The following AIDA variants were observed in gnomAD, a reference collection of about 807,000 sequenced individuals.
AIDA encodes axin interactor, dorsalization associated.
AIDA carries 18 observed loss-of-function variants against 42.7 expected under a neutral mutation model. That is an observed-to-expected ratio of 0.42 (90% CI 0.29 to 0.63). The LOEUF (loss-of-function observed/expected upper bound fraction) is 0.63. Ranked by LOEUF, AIDA falls within the 20% of genes least tolerant of loss-of-function variation. The probability of loss-of-function intolerance (pLI) is 0.19; values close to 1 mark genes in which losing one functional copy is unlikely to be tolerated. For synonymous variants in AIDA, 104 were observed against 122.9 expected (o/e 0.85, Z 1.02); for missense variants, 250 against 354.1 (o/e 0.71, Z 2.36).
chr1:222,690,988 A>G (rs1220443326), intron 4 of AIDA, among the ~76,000 whole-genome samples: 1 of 152,224 alleles, frequency 6.6e-6, no homozygotes, highest in Admixed American at 6.5e-5. Flanking sequence ...AGAAAAAGCA[A>G]TAAGCCAACA....
chr1:222,689,973 A>G (rs1655329350), intron 4 of AIDA, among the ~76,000 whole-genome samples: 1 of 152,046 alleles, frequency 6.6e-6, no homozygotes, highest in Non-Finnish European at 1.5e-5. Context: ...TCCTTTTTCT[A>G]CTATGTTCAG....
chr1:222,709,669 G>T (rs73124889), intron 1 of AIDA, among the ~76,000 whole-genome samples: 4 of 151,938 alleles, frequency 2.6e-5, no homozygotes, highest in African/African-American at 9.7e-5. Flanking sequence ...ATAATGGGGG[G>T]AAAAGTGCCC....
At chr1:222,702,733 G>C (rs1282466978) in intron 2 of AIDA, among the ~76,000 whole-genome samples, 2 of 152,214 alleles carry the variant, frequency 1.3e-5, no homozygotes, top group African/African-American at 4.8e-5. Flanking sequence ...CAGGAGTTAG[G>C]AAAGTTCAGA....
chr1:222,690,548 A>G (rs1178396168), intron 4 of AIDA, among the ~76,000 whole-genome samples: 2 of 152,200 alleles, frequency 1.3e-5, no homozygotes, highest in Non-Finnish European at 2.9e-5. Flanking sequence ...GGAGTCCTGC[A>G]GTTTAGAGCT....
intron 2 of AIDA, among the ~76,000 whole-genome samples, chr1:222,698,033 A>T (rs1194691680): frequency 1.3e-5 from 2 of 152,210 alleles, no homozygotes; most frequent in African/African-American, 4.8e-5. Context: ...AAAATCTACT[A>T]CACCAAAGTC....
chr1:222,711,983 T>C, intron 1 of AIDA: 1 of 586,476 alleles, frequency 1.7e-6, no homozygotes, highest in Non-Finnish European at 3.0e-6. Flanking sequence ...GAACTGTCCC[T>C]GCGGAGGCGG....
At chr1:222,689,999 A>T (rs1407937715) in intron 4 of AIDA, among the ~76,000 whole-genome samples, 1 of 152,158 alleles carries the variant, frequency 6.6e-6, no homozygotes, top group Non-Finnish European at 1.5e-5. Flanking sequence ...TTACATACAT[A>T]AAAACTTACC....
intron 1 of AIDA, among the ~76,000 whole-genome samples, chr1:222,706,376 T>C (rs1655837679): frequency 1.3e-5 from 2 of 152,080 alleles, no homozygotes; most frequent in Admixed American, 1.3e-4. Context: ...CATTTGAATG[T>C]TCAGGGCAGT....
In AIDA at chr1:222,703,141, A is replaced by G. The variant is rs1655754760; in HGVS notation, c.180+7T>C. 6.3e-7 allele frequency: 1 copy of G among 1,597,464 alleles called. No individual in the cohort carries two copies. The highest frequency in any genetic ancestry group is 1.3e-5 in the African/African-American group (1 of 74,124). ...ATCTGATATATCTAGAGATTATTTTATGGTACCTTTTGTTCTTCTGTGAAT... is the reference window on the plus strand; with the variant it reads ...ATCTGATATATCTAGAGATTATTTTGTGGTACCTTTTGTTCTTCTGTGAAT... On this transcript the variant is annotated splice_region_variant and intron_variant, in intron 2 of 9. Coordinates refer to ENST00000340020, the MANE Select transcript of AIDA (RefSeq NM_022831.4).
intron 8 of AIDA, 124 bp from the exon 9 acceptor site, chr1:222,670,374 T>C: frequency 1.4e-6 from 1 of 735,244 alleles, no homozygotes; most frequent in East Asian, 2.7e-5. Flanking sequence ...AAACAACTTG[T>C]GCCAGTCTCA....
chr1:222,668,340 G>A lies in AIDA; in HGVS notation c.*1553C>T, dbSNP rs1214833785. Reference sequence around the variant, plus strand: ...GCTCCTTGAAGAGCTTACAGTCTAGGGATTTGACAACTCACAGTCTTAGGA... The same window carrying A: ...GCTCCTTGAAGAGCTTACAGTCTAGAGATTTGACAACTCACAGTCTTAGGA... On this transcript the variant is annotated 3_prime_UTR_variant, in exon 10 of 10. Coordinates refer to ENST00000340020, the MANE Select transcript of AIDA (RefSeq NM_022831.4). The A allele has an allele frequency of 1.6e-5, 2 of 122,844 alleles. No individual in the cohort carries two copies. Among genetic ancestry groups the A allele is most frequent in the Non-Finnish European group, 3.4e-5 (2 of 59,608 alleles). The allele number at this position is 122,844 out of a possible 1,614,324, so 7.6% of individuals were successfully genotyped here.
chr1:222,712,013 A>G (rs1381096510), intron 1 of AIDA, 195 bp downstream of exon 1: 7 of 716,798 alleles, frequency 9.8e-6, no homozygotes. Flanking sequence ...AAGGCGAGTC[A>G]CCCCAGAGAG....
At chr1:222,682,961 T>C (rs1320078183) in intron 6 of AIDA, among the ~76,000 whole-genome samples, 1 of 152,228 alleles carries the variant, frequency 6.6e-6, no homozygotes, top group East Asian at 1.9e-4. Context: ...ATTGCTGAGT[T>C]ACATTTAGAG....
intron 4 of AIDA, among the ~76,000 whole-genome samples, chr1:222,688,109 A>G (rs548900656): frequency 6.6e-6 from 1 of 152,130 alleles, no homozygotes; most frequent in African/African-American, 2.4e-5. Context: ...GGTCCCAGCT[A>G]CTCAGGAGGC....
intron 8 of AIDA, among the ~76,000 whole-genome samples, chr1:222,670,642 T>TA (rs1558205481): frequency 6.6e-6 from 1 of 152,144 alleles, no homozygotes; most frequent in Non-Finnish European, 1.5e-5. Context: ...AAAGAGTTCC[T>TA]AAAAAAATTT....
intron 6 of AIDA, among the ~76,000 whole-genome samples, chr1:222,684,900 C>A (rs1664714818): frequency 6.6e-6 from 1 of 152,072 alleles, no homozygotes; most frequent in Non-Finnish European, 1.5e-5. Flanking sequence ...GGAAAACAAC[C>A]AAATCAGATA....
intron 1 of AIDA, among the ~76,000 whole-genome samples, chr1:222,706,409 T>C (rs796277244): frequency 6.6e-6 from 1 of 151,652 alleles, no homozygotes; most frequent in African/African-American, 2.4e-5. Context: ...AGTCCAAAAG[T>C]AGAAACAATC....
intron 1 of AIDA, among the ~76,000 whole-genome samples, chr1:222,703,561 T>G (rs1655766339): frequency 6.6e-6 from 1 of 152,166 alleles, no homozygotes; most frequent in African/African-American, 2.4e-5. Flanking sequence ...CAGATTCTGC[T>G]TAAACACTTC....
rs1472527298 is a variant in AIDA at position 222,668,634 on chromosome 1, T to TTA, written c.*1258_*1259insTA. 3.5e-5 allele frequency: 3 copies of TTA among 85,266 alleles called. No individual in the cohort carries two copies. Among genetic ancestry groups the TTA allele is most frequent in the Non-Finnish European group, 6.9e-5 (3 of 43,436 alleles). The allele number at this position is 85,266 out of a possible 1,614,324, so 5.3% of individuals were successfully genotyped here. A position where few individuals can be genotyped will look rare whatever the true frequency, so the allele number is the denominator to read the frequency against. ...TTTAAAAAGCAAACATACTGAATGG[T>TTA]ATGACTAGGGTGATTACACTAGTTT... On this transcript the variant is annotated 3_prime_UTR_variant, in exon 10 of 10. Transcript: ENST00000340020.
Sources: gnomAD v4.1 joint callset for allele counts (sites outside exome capture counted in the v4.1 genomes callset) on GRCh38, gnomAD v4.1.1 for gene constraint, MANE v1.5 for transcripts, NCBI Gene and HGNC (gene_info 2026-07-23, HGNC 2026-07-21) for gene names.